CCSER1: variants seen among roughly 807,000 people sequenced by gnomAD.
The protein encoded by CCSER1 is serine-rich coiled-coil domain-containing protein 1.
A neutral mutation model predicts 82.0 loss-of-function variants in CCSER1; 41 were observed. The observed-to-expected ratio is 0.50, with a 90% CI of 0.39 to 0.65. CCSER1 has a LOEUF of 0.65. Among genes scored for constraint, CCSER1 ranks in the 30% least tolerant of loss-of-function variants. The pLI is 0.00. For synonymous variants in CCSER1, 414 were observed against 383.9 expected (o/e 1.08, Z -0.92); for missense variants, 1,119 against 1,064.2 (o/e 1.05, Z -0.72).
At chr4:91,190,193 A>G (rs903005360) in intron 10 of CCSER1, among the ~76,000 whole-genome samples, 4 of 152,222 alleles carry the variant, frequency 2.6e-5, no homozygotes, top group Non-Finnish European at 5.9e-5. Flanking sequence ...ACTAGGATGG[A>G]CAAGCGGTAC....
At chr4:90,934,012 A>T (rs763028858) in intron 9 of CCSER1, among the ~76,000 whole-genome samples, 19 of 151,898 alleles carry the variant, frequency 1.3e-4, no homozygotes, top group Admixed American at 3.3e-4. Context: ...CTTATCCTAC[A>T]CCTAGCAATG....
At position 90,319,469 on chromosome 4, in the gene CCSER1, G is replaced by C. The variant is rs191570060; in HGVS notation, c.1509+6422G>C. Among the ~76,000 whole-genome samples, 304 of 152,204 alleles carry C rather than the reference G, an allele frequency of 2.0e-3. 1 individual carries two copies. The highest frequency in any genetic ancestry group is 6.9e-3 in the African/African-American group (285 of 41,496). Reference sequence around the variant, plus strand: ...GATCAAGACTATCCTGGCTAACACGGTGAAACCCTGTCTCTACTACAAATA... The same window carrying C: ...GATCAAGACTATCCTGGCTAACACGCTGAAACCCTGTCTCTACTACAAATA... On this transcript the variant is annotated intron_variant, in intron 3 of 10. Transcript: ENST00000509176.
At chr4:91,302,812 CT>C (rs5860228) in intron 10 of CCSER1, among the ~76,000 whole-genome samples, 51,118 of 147,940 alleles carry the variant, frequency 0.35, 8,998 homozygotes, top group African/African-American at 0.44. Context: ...TCCCCTAGAT[CT>C]TTTTTTTTTT....
intron 10 of CCSER1, among the ~76,000 whole-genome samples, chr4:91,151,871 G>A (rs57592771): frequency 0.19 from 29,570 of 152,104 alleles, 3,155 homozygotes; most frequent in Non-Finnish European, 0.23. Flanking sequence ...TTTTCCATTT[G>A]CTGAGGAGTG....
chr4:90,283,096 CAG>C (rs1048173938), intron 1 of CCSER1, among the ~76,000 whole-genome samples: 2 of 151,896 alleles, frequency 1.3e-5, no homozygotes, highest in Non-Finnish European at 1.5e-5. Context: ...CTACATGAAA[CAG>C]AGGGGGACCG....
intron 10 of CCSER1, among the ~76,000 whole-genome samples, chr4:91,097,564 T>C (rs1265033278): frequency 6.6e-6 from 1 of 152,210 alleles, no homozygotes; most frequent in Non-Finnish European, 1.5e-5. Context: ...AAACTGATTA[T>C]AAAAATGCTT....
intron 5 of CCSER1, among the ~76,000 whole-genome samples, chr4:90,611,585 T>C (rs528686657): frequency 1.3e-5 from 2 of 151,794 alleles, no homozygotes; most frequent in African/African-American, 4.8e-5. Flanking sequence ...TAAGTTCTTA[T>C]ATGATTGGTA....
At chr4:91,487,364 G>A (rs1758277263) in intron 10 of CCSER1, among the ~76,000 whole-genome samples, 1 of 152,070 alleles carries the variant, frequency 6.6e-6, no homozygotes, top group Admixed American at 6.6e-5. Flanking sequence ...AAACTAATTT[G>A]CACAATTCTT....
intron 10 of CCSER1, among the ~76,000 whole-genome samples, chr4:91,357,389 T>TTG (rs926700546): frequency 1.3e-5 from 2 of 152,194 alleles, no homozygotes; most frequent in African/African-American, 4.8e-5. Context: ...AAAGAGCAGG[T>TTG]TGATGCTTTA....
At chr4:90,219,229 G>A (rs1361942852) in intron 1 of CCSER1, among the ~76,000 whole-genome samples, 1 of 152,158 alleles carries the variant, frequency 6.6e-6, no homozygotes, top group Non-Finnish European at 1.5e-5. Context: ...TCTACAGGAT[G>A]CACTGACGTA....
At chr4:90,623,055 C>A (rs1362865026) in intron 5 of CCSER1, among the ~76,000 whole-genome samples, 1 of 131,420 alleles carries the variant, frequency 7.6e-6, no homozygotes, top group African/African-American at 3.0e-5. Flanking sequence ...TGAGACGGAG[C>A]CTCCCTCTTT....
chr4:91,115,934 C>CTTATTACATATGTATA, intron 10 of CCSER1, among the ~76,000 whole-genome samples: 1 of 146,536 alleles, frequency 6.8e-6, no homozygotes, highest in East Asian at 2.0e-4. Flanking sequence ...TATACATGTG[C>CTTATTACATATGTATA]CATCTTGGTG....
At chr4:90,258,036 T>G (rs916315440) in intron 1 of CCSER1, among the ~76,000 whole-genome samples, 1 of 152,108 alleles carries the variant, frequency 6.6e-6, no homozygotes, top group East Asian at 1.9e-4. Flanking sequence ...CACATAAAAT[T>G]AACCGCCACA....
chr4:90,742,278 C>T (rs914591582), intron 7 of CCSER1, among the ~76,000 whole-genome samples: 5 of 152,150 alleles, frequency 3.3e-5, no homozygotes, highest in African/African-American at 1.2e-4. Context: ...GAAACAGAGC[C>T]AAACCATATC....
chr4:90,196,957 C>T (rs769768352), intron 1 of CCSER1, among the ~76,000 whole-genome samples: 3 of 151,934 alleles, frequency 2.0e-5, no homozygotes, highest in Non-Finnish European at 4.4e-5. Context: ...CACTATGTAC[C>T]TTGAGATAGT....
chr4:91,260,701 T>C (rs1741043569), intron 10 of CCSER1, among the ~76,000 whole-genome samples: 1 of 152,180 alleles, frequency 6.6e-6, no homozygotes, highest in South Asian at 2.1e-4. Flanking sequence ...TGTCTTGTTG[T>C]CAAATTTTGC....
intron 4 of CCSER1, among the ~76,000 whole-genome samples, chr4:90,444,970 C>T (rs1395405326): frequency 2.6e-5 from 4 of 151,910 alleles, no homozygotes; most frequent in African/African-American, 9.7e-5. Context: ...TATTTACTGA[C>T]ACTTGTTATT....
At chr4:91,535,596 C>T (rs1372609115) in intron 10 of CCSER1, among the ~76,000 whole-genome samples, 8 of 152,118 alleles carry the variant, frequency 5.3e-5, no homozygotes, top group East Asian at 1.9e-4. Flanking sequence ...ATTTATGAAA[C>T]GATTTCTGTT....
chr4:90,430,024 A>G (rs998676605), intron 4 of CCSER1, among the ~76,000 whole-genome samples: 13 of 151,930 alleles, frequency 8.6e-5, no homozygotes, highest in African/African-American at 2.9e-4. Context: ...TTCGTAGAAT[A>G]TACAGGTAGA....
Sources: gnomAD v4.1 joint callset for allele counts (sites outside exome capture counted in the v4.1 genomes callset) on GRCh38, gnomAD v4.1.1 for gene constraint, MANE v1.5 for transcripts, NCBI Gene and HGNC (gene_info 2026-07-23, HGNC 2026-07-21) for gene names.